Variants in CENPE observed in about 807,000 individuals in gnomAD.
CENPE encodes centromere protein E.
A neutral mutation model predicts 336.1 loss-of-function variants in CENPE; 145 were observed. The ratio of observed to expected loss-of-function variants is 0.43; its 90% CI spans 0.38 to 0.50. The LOEUF is 0.50. Among genes scored for constraint, CENPE ranks in the 20% least tolerant of loss-of-function variants. The pLI, the probability that CENPE is intolerant of heterozygous loss-of-function variation, is 0.00. For missense variants in CENPE, 2,719 were observed against 3,023.3 expected, an observed-to-expected ratio of 0.90 and a Z score of 2.36; for synonymous variants, 1,013 against 984.8, an observed-to-expected ratio of 1.03 and a Z score of -0.54.
intron 1 of CENPE, 39 bp from the exon 2 acceptor site, chr4:103,196,889 A>T: frequency 1.0e-6 from 1 of 956,362 alleles, no homozygotes; most frequent in Non-Finnish European, 1.7e-6. Context: ...CCAGTCATAA[A>T]AGTCATGTCA....
intron 39 of CENPE, among the ~76,000 whole-genome samples, chr4:103,136,745 A>C (rs1752103661): frequency 6.6e-6 from 1 of 152,226 alleles, no homozygotes; most frequent in Non-Finnish European, 1.5e-5. Flanking sequence ...GTTTATGTTT[A>C]TAGTAGGCAG....
chr4:103,133,910 A>C lies in CENPE; in HGVS notation c.6523-18T>G. 6.6e-7 allele frequency: 1 copy of C among 1,506,950 alleles called. No individual in the cohort carries two copies. The highest frequency in any genetic ancestry group is 9.1e-7 in the Non-Finnish European group (1 of 1,101,794). The allele number at this position is 1,506,950 out of a possible 1,614,324, so 93.3% of individuals were successfully genotyped here. A position where few individuals can be genotyped will look rare whatever the true frequency, so the allele number is the denominator to read the frequency against. ...AACACATACTTGCAGAAAAAAATTA[A>C]ACAAATTGGTAAATGAAAATTTTGT... On this transcript the variant is annotated intron_variant, in intron 40 of 48. Coordinates refer to ENST00000265148, the MANE Select transcript of CENPE (RefSeq NM_001813.3).
chr4:103,178,957 C>A (rs1484870993), intron 13 of CENPE, among the ~76,000 whole-genome samples: 1 of 152,040 alleles, frequency 6.6e-6, no homozygotes, highest in East Asian at 1.9e-4. Flanking sequence ...AAATCTTCTA[C>A]CTCATATTCA....
chr4:103,145,261 T>C lies in CENPE; in HGVS notation c.4646A>G (p.Glu1549Gly). Residue 1549 changes from glutamate (E) to glycine (G), a missense_variant, in exon 32 of 49, where the codon GAA becomes GGA. Glu to Gly is a moderately conservative substitution (Grantham distance 98). This residue lies in a region of CENPE where 2,437 missense variants were observed against 2,513.3 expected (regional missense o/e 0.97). Coordinates refer to ENST00000265148, the MANE Select transcript of CENPE (RefSeq NM_001813.3). ...QISEVQEKVN[E>G]LKQFKEHRKA... The stretch of plus-strand genomic sequence containing the variant: ...GCGATGCTCCTTGAATTGTTTCAGT[T>C]CATTCACTTTTTCCTGAACCTCACT... 1 of 1,612,270 alleles carries C rather than the reference T, an allele frequency of 6.2e-7. No homozygotes were observed. The highest frequency in any genetic ancestry group is 1.1e-5 in the South Asian group (1 of 90,834).
rs550146112 is a variant in CENPE at position 103,140,972 on chromosome 4, A to G, written c.5596T>C (p.Leu1866=). The part of the protein sequence containing the change: ...IKDQSLTLSK[L]EIENLNLAQK... Reference sequence around the variant, plus strand: ...GCCAAATTTAAATTCTCTATTTCTAATTTACTCAGAGTTAAGCTTTGGTCT... The same window carrying G: ...GCCAAATTTAAATTCTCTATTTCTAGTTTACTCAGAGTTAAGCTTTGGTCT... The change falls in exon 36 of 49, where the codon TTA becomes CTA. Residue 1866 remains leucine, a synonymous_variant. Transcript: ENST00000265148. The G allele has an allele frequency of 1.9e-6, 3 of 1,612,094 alleles. No homozygotes were observed. Among genetic ancestry groups the G allele is most frequent in the Admixed American group, 3.3e-5 (2 of 59,940 alleles).
intron 15 of CENPE, among the ~76,000 whole-genome samples, chr4:103,175,428 A>C (rs1389813506): frequency 1.3e-5 from 2 of 152,060 alleles, no homozygotes; most frequent in Non-Finnish European, 2.9e-5. Context: ...AAAACACTTT[A>C]TCAATAATAC....
chr4:103,161,926 A>C (rs955673353), intron 18 of CENPE, among the ~76,000 whole-genome samples: 13 of 152,156 alleles, frequency 8.5e-5, no homozygotes, highest in Admixed American at 2.0e-4. Context: ...TGCAAATGAA[A>C]AATACATGAA....
intron 40 of CENPE, among the ~76,000 whole-genome samples, chr4:103,134,635 C>CAAAAAA (rs36085712): frequency 2.0e-4 from 13 of 64,778 alleles, no homozygotes; most frequent in African/African-American, 2.5e-4. Flanking sequence ...GACTCCGTCT[C>CAAAAAA]AAAAAAAAAA....
At chr4:103,181,224 A>G (rs1756301076) in intron 12 of CENPE, 113 bp downstream of exon 12, 1 of 665,488 alleles carries the variant, frequency 1.5e-6, no homozygotes, top group Non-Finnish European at 2.2e-6. Flanking sequence ...GTGATTAAAA[A>G]CCTAAGTTGT....
chr4:103,152,956 T>C, intron 25 of CENPE, 91 bp downstream of exon 25: 1 of 900,176 alleles, frequency 1.1e-6, no homozygotes, highest in Non-Finnish European at 1.7e-6. Flanking sequence ...ATACATTTAT[T>C]GTATATAAAT....
At position 103,158,460 on chromosome 4, in the gene CENPE, T is replaced by C. The variant is rs774608091; in HGVS notation, c.2875-2A>G. 6.5e-7 allele frequency: 1 copy of C among 1,544,038 alleles called. No individual in the cohort carries two copies. The highest frequency in any genetic ancestry group is 1.2e-5 in the South Asian group (1 of 81,548). ...TAATTGTTCTTGAGTATCTATATTC[T>C]TTGTTAGAAAAATATAAAAACAATT... On this transcript the variant is annotated splice_acceptor_variant, in intron 23 of 48. Transcript: ENST00000265148. LOFTEE classifies it high-confidence loss of function.
In CENPE at chr4:103,122,932, G is replaced by C. The variant is rs1300798523; in HGVS notation, c.7082C>G (p.Pro2361Arg). ...TSLASGAQVN[P>R]TTQDNKNPHV... ...AGGATTCTTATTGTCTTGTGTGGTA[G>C]GATTAACCTGGGCACCAGATGCCAA... The change falls in exon 43 of 49, where the codon CCT becomes CGT. Residue 2361 changes from proline to arginine, a missense_variant. By Grantham distance (103) the Pro-to-Arg change is moderately radical. Transcript: ENST00000265148. 1 of 1,613,744 alleles carries C rather than the reference G, an allele frequency of 6.2e-7. No individual in the cohort carries two copies. The highest frequency in any genetic ancestry group is 1.7e-5 in the Admixed American group (1 of 60,000).
chr4:103,164,376 G>A (rs1249048574), intron 16 of CENPE, among the ~76,000 whole-genome samples: 2 of 152,028 alleles, frequency 1.3e-5, no homozygotes, highest in Admixed American at 1.3e-4. Flanking sequence ...AATTCTAATA[G>A]TATGTAAGGG....
At position 103,196,059 on chromosome 4, in the gene CENPE, A is replaced by G. The variant is rs1333148225; in HGVS notation, c.239-21T>C. ...AGTACCTGCAAAAAACAAAACACAC[A>G]TACGCAAAGATTAAAAACAAACCTA... On this transcript the variant is annotated intron_variant, in intron 3 of 48. Transcript: ENST00000265148. 1.9e-6 allele frequency: 3 copies of G among 1,596,586 alleles called. No individual in the cohort carries two copies. The East Asian group carries it at 6.7e-5, about 36-fold the overall frequency.
chr4:103,151,313 A>T lies in CENPE; in HGVS notation c.3302T>A (p.Val1101Asp). 2 of 1,607,516 alleles carry T rather than the reference A, an allele frequency of 1.2e-6. No homozygotes were observed. Among genetic ancestry groups the T allele is most frequent in the Non-Finnish European group, 1.7e-6 (2 of 1,178,690 alleles). Reference protein sequence around the residue: ...GDELKKQQEIVAQEKNHAIKK... With the variant: ...GDELKKQQEIDAQEKNHAIKK... ...TATGGCATGGTTCTTTTCTTGTGCA[A>T]CTATCTCTTGTTGCTTTTTAAGTTC... is the stretch of plus-strand genomic sequence containing the variant. Residue 1101 changes from valine to aspartate, a missense_variant, in exon 26 of 49, where the codon GTT becomes GAT. Transcript: ENST00000265148.
chr4:103,156,767 G>A (rs1433545075), intron 24 of CENPE, among the ~76,000 whole-genome samples: 1 of 151,924 alleles, frequency 6.6e-6, no homozygotes, highest in African/African-American at 2.4e-5. Flanking sequence ...TGTATCAAAG[G>A]ATACAATCAA....
At chr4:103,162,344 C>T (rs1754519712) in intron 18 of CENPE, among the ~76,000 whole-genome samples, 1 of 151,636 alleles carries the variant, frequency 6.6e-6, no homozygotes. Flanking sequence ...AAACTGGAAC[C>T]AAACATATAT....
chr4:103,167,697 T>C (rs1755040160), intron 16 of CENPE, among the ~76,000 whole-genome samples: 1 of 152,204 alleles, frequency 6.6e-6, no homozygotes, highest in East Asian at 1.9e-4. Flanking sequence ...CCTGGAAGTG[T>C]TGTTTTTGAG....
Position 103,122,935 on chromosome 4 carries a change from T to C in CENPE, c.7079A>G (p.Asn2360Ser). The C allele has an allele frequency of 6.2e-7, 1 of 1,613,954 alleles. No individual in the cohort carries two copies. Among genetic ancestry groups the C allele is most frequent in the Non-Finnish European group, 8.5e-7 (1 of 1,179,856 alleles). Residue 2360 changes from asparagine to serine, a missense_variant, in exon 43 of 49, where the codon AAT becomes AGT. Transcript: ENST00000265148. ...ATTCTTATTGTCTTGTGTGGTAGGA[T>C]TAACCTGGGCACCAGATGCCAAGGA... ...KTSLASGAQV[N>S]PTTQDNKNPH...
Sources: gnomAD v4.1 joint callset for allele counts (sites outside exome capture counted in the v4.1 genomes callset) on GRCh38, gnomAD v4.1.1 for gene constraint, gnomAD v4.1.1 regional missense constraint, MANE v1.5 for transcripts, NCBI Gene and HGNC (gene_info 2026-07-23, HGNC 2026-07-21) for gene names.